The following SLC22A14 variants were observed in gnomAD, a reference collection of about 807,000 sequenced individuals.
The protein encoded by SLC22A14 is organic cation transporter-like 4.
A neutral mutation model predicts 53.9 loss-of-function variants in SLC22A14; 50 were observed. That is an observed-to-expected ratio of 0.93 (90% CI 0.74 to 1.17). The LOEUF is 1.17. Among genes scored for constraint, SLC22A14 ranks in the 50% most tolerant of loss-of-function variants. The probability of loss-of-function intolerance (pLI) is 0.00; values close to 1 mark genes in which losing one functional copy is unlikely to be tolerated. For synonymous variants in SLC22A14, 312 were observed against 303.0 expected (o/e 1.03, Z -0.31); for missense variants, 671 against 734.7 (o/e 0.91, Z 1.00).
chr3:38,309,029 T>C lies in SLC22A14; in HGVS notation c.851T>C (p.Val284Ala), dbSNP rs144507369. 7.6e-5 allele frequency: 123 copies of C among 1,614,060 alleles called. 1 individual carries two copies. The Middle Eastern group carries it at 2.1e-3, about 28-fold the overall frequency. The change falls in exon 5 of 11, where the codon GTG (valine) becomes GCG (alanine). Residue 284 changes from valine (V) to alanine (A), a missense_variant. Transcript: ENST00000448498. ...CACTGCTTTTTCGCTGTTGGGGCCG[T>C]GTTGCTGACAGGGATCGCCTACAGT... The part of the protein sequence containing the change: ...LGHCFFAVGA[V>A]LLTGIAYSLP...
chr3:38,313,323 C>A, intron 6 of SLC22A14, 65 bp from the exon 7 acceptor site: 4 of 1,409,138 alleles, frequency 2.8e-6, no homozygotes, highest in Non-Finnish European at 4.0e-6. Context: ...CTTGTGGGTG[C>A]TGTGGGGCTG....
chr3:38,300,434 C>T (rs75356885), intron 1 of SLC22A14, among the ~76,000 whole-genome samples: 9,765 of 151,646 alleles, frequency 0.064, 375 homozygotes, highest in East Asian at 0.16. Flanking sequence ...AGTGAGACTT[C>T]ATCTCAAAAA....
chr3:38,310,287 A>G (rs1430053553), intron 5 of SLC22A14, among the ~76,000 whole-genome samples: 1 of 152,136 alleles, frequency 6.6e-6, no homozygotes, highest in Non-Finnish European at 1.5e-5. Context: ...CTGAGGTGGG[A>G]GGATCACTTG....
At chr3:38,281,269 A>G (rs1458541101), upstream of SLC22A14, among the ~76,000 whole-genome samples, 3 of 152,168 alleles carry the variant, frequency 2.0e-5, no homozygotes, top group Non-Finnish European at 4.4e-5. Context: ...CCCTGTGATC[A>G]ATACTTCATT....
At chr3:38,288,842 G>A (rs964225535) in intron 1 of SLC22A14, among the ~76,000 whole-genome samples, 4 of 152,012 alleles carry the variant, frequency 2.6e-5, no homozygotes, top group South Asian at 2.1e-4. Context: ...AAAGTTTCCC[G>A]TTTTTAAAAA....
rs916268445 is a variant in SLC22A14, at chr3:38,303,500, G to GT, written c.1-2517dup. ...TTTCTTCTTTAACTTGTATTCACAA[G>GT]TTTTTTTTTTAACTTAAAAACATAT... On this transcript the variant is annotated intron_variant, in intron 1 of 10. Transcript: ENST00000448498. Among the ~76,000 whole-genome samples the GT allele has an allele frequency of 1.8e-3, 273 of 147,948 alleles. 4 individuals carry two copies. In the East Asian group the frequency reaches 0.019, roughly 10 times the overall value.
At chr3:38,316,574 A>T in intron 10 of SLC22A14, 50 bp downstream of exon 10, 4 of 1,544,882 alleles carry the variant, frequency 2.6e-6, no homozygotes, top group Non-Finnish European at 3.6e-6. Flanking sequence ...CTGGCTCTGA[A>T]GCCTTGGCAC....
rs1456119905 is a variant in SLC22A14 at position 38,306,397 on chromosome 3, C to A, written c.371C>A (p.Pro124His). ...EQLNLTIPQA[P>H]NGSFLTCFMY... Reference sequence around the variant, plus strand: ...CTGAATCTGACCATACCCCAAGCACCCAATGGCAGTTTCCTGACATGCTTC... The same window carrying A: ...CTGAATCTGACCATACCCCAAGCACACAATGGCAGTTTCCTGACATGCTTC... Residue 124 changes from proline (P) to histidine (H), a missense_variant, in exon 2 of 11, where the codon CCC becomes CAC. Pro to His is a moderately conservative substitution (Grantham distance 77). Coordinates refer to ENST00000448498, the MANE Select transcript of SLC22A14 (RefSeq NM_001320033.2). 1.2e-6 allele frequency: 2 copies of A among 1,614,210 alleles called. No homozygotes were observed. The highest frequency in any genetic ancestry group is 2.2e-5 in the East Asian group (1 of 44,886).
chr3:38,309,685 G>A (rs997468525), intron 5 of SLC22A14, among the ~76,000 whole-genome samples: 8 of 152,070 alleles, frequency 5.3e-5, no homozygotes, highest in Admixed American at 2.0e-4. Context: ...GGCAAAACTC[G>A]GAGGAATAAG....
chr3:38,280,280 C>T (rs917265850), upstream of SLC22A14, among the ~76,000 whole-genome samples: 1 of 152,172 alleles, frequency 6.6e-6, no homozygotes, highest in African/African-American at 2.4e-5. Context: ...AGCTGGACTC[C>T]TGTCTCCGTG....
At chr3:38,281,507 G>A (rs1559540323), upstream of SLC22A14, among the ~76,000 whole-genome samples, 1 of 152,198 alleles carries the variant, frequency 6.6e-6, no homozygotes. Context: ...GGGCACAGGT[G>A]AGGGAACCGA....
At chr3:38,315,093 G>A (rs139846482) in intron 8 of SLC22A14, among the ~76,000 whole-genome samples, 90 of 152,346 alleles carry the variant, frequency 5.9e-4, no homozygotes, top group African/African-American at 2.1e-3. Flanking sequence ...ATCCTGGAAT[G>A]TTTGGGAGCC....
chr3:38,316,496 G>C lies in SLC22A14; in HGVS notation c.1705G>C (p.Glu569Gln). The C allele has an allele frequency of 1.2e-6, 2 of 1,614,076 alleles. No homozygotes were observed. The highest frequency in any genetic ancestry group is 1.6e-4 in the Middle Eastern group (1 of 6,062). ...GGAAACGCGAGATCAGCCCCTCTCCGAGAGCCTGAACCACTCCTCACAGAT... is the reference window on the plus strand; with the variant it reads ...GGAAACGCGAGATCAGCCCCTCTCCCAGAGCCTGAACCACTCCTCACAGAT... Reference protein sequence around the residue: ...LPETRDQPLSESLNHSSQIRN... With the variant: ...LPETRDQPLSQSLNHSSQIRN... Residue 569 changes from glutamate to glutamine, a missense_variant, in exon 10 of 11, where the codon GAG becomes CAG. Glu to Gln is a conservative substitution (Grantham distance 29). Transcript: ENST00000448498.
Position 38,307,318 on chromosome 3 carries a change from T to C in SLC22A14, c.581T>C (p.Leu194Pro), listed in dbSNP as rs1704334159. 6.2e-7 allele frequency: 1 copy of C among 1,613,992 alleles called. No homozygotes were observed. The highest frequency in any genetic ancestry group is 1.7e-5 in the Admixed American group (1 of 60,012). The stretch of plus-strand genomic sequence containing the variant: ...GCACAGATCATGTTCATGGCAGGGC[T>C]CCCGATAGGCTCTCTCATCTTCAGG... ...DTAQIMFMAG[L>P]PIGSLIFRLI... The change falls in exon 3 of 11, where the codon CTC (leucine) becomes CCC (proline). Residue 194 changes from leucine (L) to proline (P), a missense_variant. By Grantham distance (98) the Leu-to-Pro change is moderately conservative (BLOSUM62 -3). Coordinates refer to ENST00000448498, the MANE Select transcript of SLC22A14 (RefSeq NM_001320033.2). The surrounding 1 kb of genome is among the most constrained non-coding windows in gnomAD (Gnocchi z 4.4).
chr3:38,316,468 G>A lies in SLC22A14; in HGVS notation c.1677G>A (p.Leu559=). Residue 559 remains leucine (L), a synonymous_variant, in exon 10 of 11, where the codon CTG becomes CTA. Transcript: ENST00000448498. ...TGGCCTTTTCCCTCTCCTCCCTGCT[G>A]CCGGAAACGCGAGATCAGCCCCTCT... ...AIVAFSLSSL[L]PETRDQPLSE... 1 of 1,613,994 alleles carries A rather than the reference G, an allele frequency of 6.2e-7. No individual in the cohort carries two copies. Among genetic ancestry groups the A allele is most frequent in the South Asian group, 1.1e-5 (1 of 91,054 alleles).
chr3:38,300,741 A>G (rs1366950735), intron 1 of SLC22A14, among the ~76,000 whole-genome samples: 1 of 152,210 alleles, frequency 6.6e-6, no homozygotes, highest in African/African-American at 2.4e-5. Flanking sequence ...CTGAAACTGC[A>G]TTGCCCAATG....
Position 38,308,926 on chromosome 3 carries a change from T to C in SLC22A14, c.776-28T>C, listed in dbSNP as rs772559633. 5.6e-6 allele frequency: 9 copies of C among 1,608,488 alleles called. No homozygotes were observed. The South Asian group carries it at 7.7e-5, about 14-fold the overall frequency. On this transcript the variant is annotated intron_variant, in intron 4 of 10. Transcript: ENST00000448498. ...AGCCCTGGGGACCCTGACGTAACCA[T>C]GGTTTTGTCCTCTTGGCCTCTGCAC...
At chr3:38,295,590 A>T (rs572737911) in intron 1 of SLC22A14, among the ~76,000 whole-genome samples, 1 of 152,194 alleles carries the variant, frequency 6.6e-6, no homozygotes, top group Non-Finnish European at 1.5e-5. Flanking sequence ...AAGACCTTCA[A>T]TTATCAATTT....
chr3:38,304,980 T>C (rs1163515731), intron 1 of SLC22A14, among the ~76,000 whole-genome samples: 3 of 152,216 alleles, frequency 2.0e-5, no homozygotes, highest in Non-Finnish European at 2.9e-5. Context: ...ATTCTTTGTG[T>C]CAAATTTGTT....
Sources: gnomAD v4.1 joint callset for allele counts (sites outside exome capture counted in the v4.1 genomes callset) on GRCh38, gnomAD v4.1.1 for gene constraint, Gnocchi (gnomAD v3.1) non-coding constraint, MANE v1.5 for transcripts, NCBI Gene and HGNC (gene_info 2026-07-23, HGNC 2026-07-21) for gene names.